The following ATP8A2 variants were observed in gnomAD, a reference collection of about 807,000 sequenced individuals.
ATP8A2 encodes the protein ATPase phospholipid transporting 8A2, also known as phospholipid-transporting ATPase IB.
ATP8A2 carries 100 observed loss-of-function variants against 165.6 expected under a neutral mutation model. The ratio of observed to expected loss-of-function variants is 0.60; its 90% CI spans 0.51 to 0.71. ATP8A2 has a LOEUF of 0.71. Ranked by LOEUF, ATP8A2 falls within the 30% of genes least tolerant of loss-of-function variation. The pLI is 0.00. For synonymous variants in ATP8A2, 543 were observed against 548.8 expected, an observed-to-expected ratio of 0.99 and a Z score of 0.15; for missense variants, 1,227 against 1,479.5, an observed-to-expected ratio of 0.83 and a Z score of 2.80.
intron 24 of ATP8A2, among the ~76,000 whole-genome samples, chr13:25,654,703 T>A (rs986497205): frequency 6.6e-6 from 1 of 152,192 alleles, no homozygotes; most frequent in Non-Finnish European, 1.5e-5. Context: ...ACTGTAGATA[T>A]AGACATAGAA....
At chr13:25,842,359 G>C (rs1951763183) in intron 30 of ATP8A2, among the ~76,000 whole-genome samples, 1 of 152,160 alleles carries the variant, frequency 6.6e-6, no homozygotes, top group Admixed American at 6.5e-5. Flanking sequence ...GAATTACAGA[G>C]GGCTTTGAGT....
In ATP8A2 at chr13:25,831,364, G is replaced by A. The variant is rs191407606; in HGVS notation, c.2754+3172G>A. 2.7e-3 allele frequency among the ~76,000 whole-genome samples: 406 copies of A among 151,708 alleles called. 2 individuals are homozygous for A. The highest frequency in any genetic ancestry group is 9.0e-3 in the African/African-American group (373 of 41,362). The stretch of plus-strand genomic sequence containing the variant: ...CAAGTAGCTGGGATTACAGTCGCCC[G>A]CCACCGCGCCCGGCTAATTTTTGTA... On this transcript the variant is annotated intron_variant, in intron 28 of 36. Coordinates refer to ENST00000381655, the MANE Select transcript of ATP8A2 (RefSeq NM_016529.6).
In ATP8A2 at chr13:25,488,471, TG is replaced by T. The variant is rs1338592791; in HGVS notation, c.221+19352del. On this transcript the variant is annotated intron_variant, in intron 2 of 36. Coordinates refer to ENST00000381655, the MANE Select transcript of ATP8A2 (RefSeq NM_016529.6). ...TACAAGGAGTCTTGCCTGGGCATGG[TG>T]GCTCATGCCTGTAATCCCAGCACTT... Among the ~76,000 whole-genome samples the T allele has an allele frequency of 4.6e-5, 7 of 152,332 alleles. No individual in the cohort carries two copies. In the South Asian group the frequency reaches 1.4e-3, roughly 32 times the overall value.
At chr13:25,558,145 A>T (rs1055492947) in intron 13 of ATP8A2, among the ~76,000 whole-genome samples, 1 of 151,814 alleles carries the variant, frequency 6.6e-6, no homozygotes, top group Non-Finnish European at 1.5e-5. Context: ...CAGGTGATCC[A>T]CCCGCCTTGG....
At chr13:25,432,161 T>C (rs1230278340) in intron 1 of ATP8A2, among the ~76,000 whole-genome samples, 1 of 152,260 alleles carries the variant, frequency 6.6e-6, no homozygotes, top group Non-Finnish European at 1.5e-5. Flanking sequence ...AATTGCTTTT[T>C]AATGTTTTCA....
intron 1 of ATP8A2, among the ~76,000 whole-genome samples, chr13:25,451,790 T>A (rs2035230604): frequency 6.6e-6 from 1 of 151,830 alleles, no homozygotes; most frequent in African/African-American, 2.4e-5. Context: ...GTTTTCAGAA[T>A]CTCAATGTAG....
At chr13:25,943,181 C>T (rs1367195579) in intron 33 of ATP8A2, among the ~76,000 whole-genome samples, 1 of 152,088 alleles carries the variant, frequency 6.6e-6, no homozygotes, top group Non-Finnish European at 1.5e-5. Flanking sequence ...TCCAGAGATT[C>T]TCAGAACAAT....
At chr13:25,898,966 C>T (rs1359597189) in intron 33 of ATP8A2, among the ~76,000 whole-genome samples, 1 of 152,158 alleles carries the variant, frequency 6.6e-6, no homozygotes, top group African/African-American at 2.4e-5. Flanking sequence ...TTCCTTGACC[C>T]CTTGCGCTTC....
chr13:25,567,504 G>A lies in ATP8A2; in HGVS notation c.1474-3263G>A, dbSNP rs754029993. 94 of 411,084 alleles carry A rather than the reference G, an allele frequency of 2.3e-4. 1 individual carries two copies. Among genetic ancestry groups the A allele is most frequent in the Non-Finnish European group, 2.3e-4 (48 of 205,644 alleles). 25.5% of individuals were successfully genotyped at this position (411,084 alleles called of 1,614,324 possible). A position where few individuals can be genotyped will look rare whatever the true frequency, so the allele number is the denominator to read the frequency against. ...AAAGCCATTGAGAGTAGGGACAGGT[G>A]CAACCCCTGTGAAAAGGAAGCCCTG... On this transcript the variant is annotated intron_variant, in intron 16 of 36. Coordinates refer to ENST00000381655, the MANE Select transcript of ATP8A2 (RefSeq NM_016529.6).
intron 25 of ATP8A2, 124 bp from the exon 26 acceptor site, chr13:25,768,922 A>G (rs2044553828): frequency 1.1e-6 from 1 of 922,974 alleles, no homozygotes; most frequent in South Asian, 1.4e-5. Flanking sequence ...ACATGAGCAT[A>G]AAATGGATGT....
chr13:25,564,600 T>C (rs540940524), intron 16 of ATP8A2, among the ~76,000 whole-genome samples: 1 of 152,316 alleles, frequency 6.6e-6, no homozygotes, highest in Non-Finnish European at 1.5e-5. Flanking sequence ...AACCTCAGTC[T>C]GTTAGATTTT....
At chr13:25,816,273 G>A (rs1295458600) in intron 27 of ATP8A2, among the ~76,000 whole-genome samples, 1 of 152,208 alleles carries the variant, frequency 6.6e-6, no homozygotes, top group Non-Finnish European at 1.5e-5. Context: ...GGGAATGTGT[G>A]CACAGCTGCT....
At chr13:25,541,802 C>A in intron 8 of ATP8A2, 117 bp from the exon 9 acceptor site, 1 of 1,119,814 alleles carries the variant, frequency 8.9e-7, no homozygotes, top group Non-Finnish European at 1.3e-6. Flanking sequence ...GTTAGCCCCC[C>A]AAATTATTGC....
chr13:25,462,512 A>T (rs2035531450), intron 1 of ATP8A2, among the ~76,000 whole-genome samples: 1 of 152,126 alleles, frequency 6.6e-6, no homozygotes, highest in South Asian at 2.1e-4. Context: ...AAGATGTGTC[A>T]CTTCCTGGCA....
chr13:25,612,645 A>G (rs2040717599), intron 24 of ATP8A2, among the ~76,000 whole-genome samples: 1 of 152,140 alleles, frequency 6.6e-6, no homozygotes, highest in Non-Finnish European at 1.5e-5. Context: ...AATAAGTGTT[A>G]AGTCCATTTG....
intron 27 of ATP8A2, among the ~76,000 whole-genome samples, chr13:25,785,357 G>A (rs2138375118): frequency 6.6e-6 from 1 of 152,048 alleles, no homozygotes; most frequent in African/African-American, 2.4e-5. Context: ...CTGAGAGTGA[G>A]ACTCCTTCTC....
chr13:25,769,638 CT>C (rs1427952274), intron 26 of ATP8A2, among the ~76,000 whole-genome samples: 3 of 152,128 alleles, frequency 2.0e-5, no homozygotes, highest in Non-Finnish European at 2.9e-5. Flanking sequence ...AGTCTCACTC[CT>C]CCCAAAGGTG....
At chr13:25,980,950 T>G (rs914814505) in intron 35 of ATP8A2, among the ~76,000 whole-genome samples, 4 of 152,232 alleles carry the variant, frequency 2.6e-5, no homozygotes, top group Non-Finnish European at 5.9e-5. Context: ...TATTTATTAG[T>G]ATGAATTTAT....
At chr13:25,967,390 C>G (rs1160572451) in intron 34 of ATP8A2, among the ~76,000 whole-genome samples, 5 of 152,164 alleles carry the variant, frequency 3.3e-5, no homozygotes, top group African/African-American at 9.7e-5. Context: ...TATAGATTAA[C>G]TCGGAGTGTC....
Sources: gnomAD v4.1 joint callset for allele counts (sites outside exome capture counted in the v4.1 genomes callset) on GRCh38, gnomAD v4.1.1 for gene constraint, MANE v1.5 for transcripts, NCBI Gene and HGNC (gene_info 2026-07-23, HGNC 2026-07-21) for gene names.